The following FRYL variants were observed in gnomAD, a reference collection of about 807,000 sequenced individuals.
FRYL encodes the protein protein furry homolog-like.
Under a neutral mutation model 351.2 loss-of-function variants are expected in FRYL, and 150 were observed. The ratio of observed to expected loss-of-function variants is 0.43; its 90% CI spans 0.37 to 0.49. The LOEUF (loss-of-function observed/expected upper bound fraction) is 0.49. Among genes scored for constraint, FRYL ranks in the 20% least tolerant of loss-of-function variants. FRYL has a pLI of 0.00. For missense variants in FRYL, 3,036 were observed against 3,619.3 expected, an observed-to-expected ratio of 0.84 and a Z score of 4.13; for synonymous variants, 1,153 against 1,257.1, an observed-to-expected ratio of 0.92 and a Z score of 1.75.
intron 8 of FRYL, among the ~76,000 whole-genome samples, chr4:48,609,428 C>A (rs1747574254): frequency 6.6e-6 from 1 of 151,966 alleles, no homozygotes; most frequent in African/African-American, 2.4e-5. Context: ...CAAGTCCAGC[C>A]TGGGAAACAT....
chr4:48,682,122 A>T (rs1160462096), intron 3 of FRYL, among the ~76,000 whole-genome samples: 1 of 152,232 alleles, frequency 6.6e-6, no homozygotes, highest in Non-Finnish European at 1.5e-5. Flanking sequence ...ACACATAATA[A>T]TTTAAAAAAT....
intron 16 of FRYL, among the ~76,000 whole-genome samples, chr4:48,591,670 T>C (rs1743262057): frequency 6.6e-6 from 1 of 152,126 alleles, no homozygotes; most frequent in South Asian, 2.1e-4. Flanking sequence ...TTAGACTGCT[T>C]CAAGGCAACG....
intron 1 of FRYL, among the ~76,000 whole-genome samples, chr4:48,777,029 C>G (rs185064168): frequency 6.6e-6 from 1 of 152,082 alleles, no homozygotes; most frequent in Non-Finnish European, 1.5e-5. Flanking sequence ...TTTGCTGGCT[C>G]TGGGTCTAAT....
intron 7 of FRYL, among the ~76,000 whole-genome samples, chr4:48,616,159 T>C (rs1289704474): frequency 1.3e-5 from 2 of 151,732 alleles, no homozygotes; most frequent in Admixed American, 1.3e-4. Context: ...ATGGCACCTG[T>C]ATACCTATGT....
rs1254680760 is a variant in FRYL, at chr4:48,595,644, A to T, written c.1194T>A (p.Val398=). The change falls in exon 15 of 64, where the codon GTT becomes GTA. Residue 398 remains valine (V), a synonymous_variant. Coordinates refer to ENST00000358350, the MANE Select transcript of FRYL (RefSeq NM_015030.2). ...ALFPKGSRSV[V]PRDTPLNIFV... is the part of the protein sequence containing the mutation. ...ATATATTGAGAGGTGTGTCACGAGG[A>T]ACCACACTTCGTGAGCCTTTTGGAA... 6.2e-7 allele frequency: 1 copy of T among 1,613,478 alleles called. No individual in the cohort carries two copies. The highest frequency in any genetic ancestry group is 1.3e-5 in the African/African-American group (1 of 75,036).
chr4:48,522,800 G>T, intron 54 of FRYL, 101 bp downstream of exon 54: 1 of 864,286 alleles, frequency 1.2e-6, no homozygotes, highest in Non-Finnish European at 2.0e-6. Flanking sequence ...ATTCATTTCA[G>T]TGTGTGCATT....
At position 48,499,546 on chromosome 4, in the gene FRYL, G is replaced by A. The variant is rs1719076253; in HGVS notation, c.8918C>T (p.Ser2973Leu). 1 of 1,614,066 alleles carries A rather than the reference G, an allele frequency of 6.2e-7. No individual in the cohort carries two copies. Among genetic ancestry groups the A allele is most frequent in the African/African-American group, 1.3e-5 (1 of 75,030 alleles). Residue 2973 changes from serine (S) to leucine (L), a missense_variant, in exon 64 of 64, where the codon TCA (serine) becomes TTA (leucine). Transcript: ENST00000358350. The part of the protein sequence containing the change: ...FAVIGSNLDM[S>L]EANYKLMELN... ...TTCCATCAGTTTGTAGTTGGCTTCT[G>A]ACATGTCCAGGTTAGAGCCTATAAC...
intron 3 of FRYL, among the ~76,000 whole-genome samples, chr4:48,659,401 G>A (rs1445105729): frequency 2.9e-3 from 12 of 4,182 alleles, no homozygotes; most frequent in African/African-American, 3.1e-3. Context: ...AGAAGAAGGA[G>A]AAGGAGAAGG....
rs1297263375 is a variant in FRYL at position 48,752,572 on chromosome 4, A to T, written c.-384+27506T>A. 6.6e-5 allele frequency among the ~76,000 whole-genome samples: 10 copies of T among 152,338 alleles called. No homozygotes were observed. The South Asian group carries it at 2.1e-3, about 32-fold the overall frequency. ...GATAAAGTCCTTTTTCTCTGGTGAT[A>T]TGTGCTGAAGTATTTAAGGTAAAGA... On this transcript the variant is annotated intron_variant, in intron 1 of 63. Coordinates refer to ENST00000358350, the MANE Select transcript of FRYL (RefSeq NM_015030.2).
intron 53 of FRYL, among the ~76,000 whole-genome samples, chr4:48,525,006 T>C (rs1186608926): frequency 6.7e-6 from 1 of 149,004 alleles, no homozygotes; most frequent in Non-Finnish European, 1.5e-5. Context: ...TTTCCTACAA[T>C]ATATTTTTTC....
chr4:48,651,058 A>C (rs1456872902), intron 3 of FRYL, among the ~76,000 whole-genome samples: 1 of 152,112 alleles, frequency 6.6e-6, no homozygotes, highest in Admixed American at 6.5e-5. Flanking sequence ...TTTCCCTCTT[A>C]AGTCTCCACT....
In FRYL at chr4:48,661,904, A is replaced by G. The variant is rs538321976; in HGVS notation, c.-81+22769T>C. On this transcript the variant is annotated intron_variant, in intron 3 of 63. Transcript: ENST00000358350. Reference sequence around the variant, plus strand: ...ATAAAAGACTCAAATAAAATGGAGAAAGAAAAACACAGTATCTAAAACAAT... The same window carrying G: ...ATAAAAGACTCAAATAAAATGGAGAGAGAAAAACACAGTATCTAAAACAAT... Among the ~76,000 whole-genome samples the G allele has an allele frequency of 6.8e-4, 104 of 152,360 alleles. No individual in the cohort carries two copies. The South Asian group carries it at 0.014, about 21-fold the overall frequency.
intron 4 of FRYL, among the ~76,000 whole-genome samples, chr4:48,625,473 T>C (rs996904989): frequency 1.3e-5 from 2 of 152,066 alleles, no homozygotes; most frequent in African/African-American, 4.8e-5. Flanking sequence ...TCAAAAGCAG[T>C]AAAAAATAAA....
Position 48,666,568 on chromosome 4 carries a change from T to C in FRYL, c.-81+18105A>G, listed in dbSNP as rs966042276. Among the ~76,000 whole-genome samples the C allele has an allele frequency of 2.6e-5, 4 of 152,116 alleles. No individual in the cohort carries two copies. In the East Asian group the frequency reaches 5.8e-4, roughly 22 times the overall value. Reference sequence around the variant, plus strand: ...AGCAATTTAGAAAAAGCTAACTTCATAATCTTAATATTCCTTAAACCCCCA... The same window carrying C: ...AGCAATTTAGAAAAAGCTAACTTCACAATCTTAATATTCCTTAAACCCCCA... On this transcript the variant is annotated intron_variant, in intron 3 of 63. Coordinates refer to ENST00000358350, the MANE Select transcript of FRYL (RefSeq NM_015030.2).
At chr4:48,644,443 TAA>T (rs1755965805) in intron 3 of FRYL, among the ~76,000 whole-genome samples, 1 of 136,184 alleles carries the variant, frequency 7.3e-6, no homozygotes, top group African/African-American at 2.8e-5. Flanking sequence ...TATCAGAACA[TAA>T]TATAACAATA....
chr4:48,656,430 A>ACTAAATATATT (rs1759162311), intron 3 of FRYL, among the ~76,000 whole-genome samples: 1 of 99,900 alleles, frequency 1.0e-5, no homozygotes. Flanking sequence ...TATAATGTAT[A>ACTAAATATATT]ATCATGTGTG....
chr4:48,605,955 C>T, intron 10 of FRYL, 122 bp from the exon 11 acceptor site: 1 of 638,046 alleles, frequency 1.6e-6, no homozygotes, highest in East Asian at 2.9e-5. Flanking sequence ...AATGCATCTT[C>T]AAGTCAAAAA....
chr4:48,593,369 A>G (rs1308334122), intron 16 of FRYL, among the ~76,000 whole-genome samples: 2 of 150,186 alleles, frequency 1.3e-5, no homozygotes, highest in Non-Finnish European at 3.0e-5. Flanking sequence ...TTTGAGACAG[A>G]GTTTCGCTCT....
At chr4:48,617,485 C>G (rs1749746014) in intron 7 of FRYL, 1 of 151,804 alleles carries the variant, frequency 6.6e-6, no homozygotes, top group African/African-American at 2.4e-5. Flanking sequence ...AGTAGCTATG[C>G]CTACAGGCAC....
Sources: gnomAD v4.1 joint callset for allele counts (sites outside exome capture counted in the v4.1 genomes callset) on GRCh38, gnomAD v4.1.1 for gene constraint, MANE v1.5 for transcripts, NCBI Gene and HGNC (gene_info 2026-07-23, HGNC 2026-07-21) for gene names.